STXBP3: variants seen among roughly 807,000 people sequenced by gnomAD.
The protein encoded by STXBP3 is syntaxin binding protein 3.
In STXBP3, 41 loss-of-function variants were observed where a neutral mutation model predicts 85.7. The ratio of observed to expected loss-of-function variants is 0.48; its 90% CI spans 0.37 to 0.62. The LOEUF (loss-of-function observed/expected upper bound fraction) is 0.62, where lower values mean the gene tolerates loss of function less well. Ranked by LOEUF, STXBP3 falls within the 20% of genes least tolerant of loss-of-function variation. The probability of loss-of-function intolerance (pLI) is 0.00; values close to 1 mark genes in which losing one functional copy is unlikely to be tolerated. For synonymous variants in STXBP3, 229 were observed against 231.7 expected, an observed-to-expected ratio of 0.99 and a Z score of 0.10; for missense variants, 563 against 703.1, an observed-to-expected ratio of 0.80 and a Z score of 2.25.
chr1:108,758,551 G>T lies in STXBP3; in HGVS notation c.300G>T (p.Glu100Asp). The T allele has an allele frequency of 6.5e-7, 1 of 1,546,670 alleles. No individual in the cohort carries two copies. Among genetic ancestry groups the T allele is most frequent in the South Asian group, 1.3e-5 (1 of 78,672 alleles). Residue 100 changes from glutamate to aspartate, a missense_variant, in exon 5 of 19, where the codon GAG (glutamate) becomes GAT (aspartate). Physicochemically the swap from Glu to Asp is conservative, Grantham distance 45. Coordinates refer to ENST00000370008, the MANE Select transcript of STXBP3 (RefSeq NM_007269.4). The stretch of plus-strand genomic sequence containing the variant: ...TACATGATTTTGCAAGTAAATCGGA[G>T]AACAAGTATAAAGCAGCATATATTT... ...CFLHDFASKS[E>D]NKYKAAYIYF...
At chr1:108,775,800 A>T (rs1052415904) in intron 7 of STXBP3, among the ~76,000 whole-genome samples, 3 of 152,140 alleles carry the variant, frequency 2.0e-5, no homozygotes, top group African/African-American at 7.2e-5. Flanking sequence ...AGAATGACTC[A>T]TATGTCCATC....
In STXBP3 at chr1:108,807,535, G is replaced by A; in HGVS notation, c.1670G>A (p.Cys557Tyr). Residue 557 changes from cysteine to tyrosine, a missense_variant, in exon 18 of 19, where the codon TGT becomes TAT. This residue lies in a region of STXBP3 where 494 missense variants were observed against 592.8 expected (regional missense o/e 0.83). Coordinates refer to ENST00000370008, the MANE Select transcript of STXBP3 (RefSeq NM_007269.4). ...AYEVSQAHKSCEVIIGSTHVL... is the reference protein window; with the variant it reads ...AYEVSQAHKSYEVIIGSTHVL... ...GAAGTTTCTCAGGCACATAAATCCT[G>A]TGAAGTTATTATTGGTAAGACTTTC... is the stretch of plus-strand genomic sequence containing the variant. 1 of 1,594,454 alleles carries A rather than the reference G, an allele frequency of 6.3e-7. No individual in the cohort carries two copies. Among genetic ancestry groups the A allele is most frequent in the Non-Finnish European group, 8.5e-7 (1 of 1,173,086 alleles).
At chr1:108,757,819 T>A (rs12742894) in intron 4 of STXBP3, among the ~76,000 whole-genome samples, 2,814 of 152,124 alleles carry the variant, frequency 0.018, 47 homozygotes, top group Middle Eastern at 0.034. Context: ...ATAAATCTAA[T>A]TAAATTTTAG....
At chr1:108,806,422 G>A (rs138826646) in intron 17 of STXBP3, among the ~76,000 whole-genome samples, 3 of 152,228 alleles carry the variant, frequency 2.0e-5, no homozygotes, top group East Asian at 3.9e-4. Context: ...GCAATCTGGA[G>A]GAGGAATGGT....
chr1:108,757,890 A>G (rs954552734), intron 4 of STXBP3, among the ~76,000 whole-genome samples: 4 of 152,102 alleles, frequency 2.6e-5, no homozygotes, highest in African/African-American at 9.7e-5. Context: ...AAAATGATAA[A>G]TAAATGAAAA....
chr1:108,757,523 GA>G (rs780275346), intron 4 of STXBP3, among the ~76,000 whole-genome samples: 5 of 149,928 alleles, frequency 3.3e-5, no homozygotes, highest in South Asian at 2.1e-4. Context: ...TTCATGATTG[GA>G]AAAAAAAATG....
chr1:108,807,271 A>C, intron 17 of STXBP3, 130 bp from the exon 18 acceptor site: 1 of 639,698 alleles, frequency 1.6e-6, no homozygotes, highest in South Asian at 2.6e-5. Flanking sequence ...AAAAAAAAAA[A>C]AAAAAAAAAA....
intron 5 of STXBP3, among the ~76,000 whole-genome samples, 171 bp downstream of exon 5, chr1:108,758,759 C>A (rs1241962125): frequency 1.3e-5 from 2 of 152,062 alleles, no homozygotes; most frequent in Non-Finnish European, 2.9e-5. Flanking sequence ...TAGAAAGAAT[C>A]TAAAAATGTA....
chr1:108,761,553 A>G (rs1369321893), intron 6 of STXBP3, among the ~76,000 whole-genome samples: 1 of 152,192 alleles, frequency 6.6e-6, no homozygotes, highest in Non-Finnish European at 1.5e-5. Flanking sequence ...TGTCTAGAGA[A>G]TGCTCTTGAG....
chr1:108,757,847 C>A (rs1405076165), intron 4 of STXBP3, among the ~76,000 whole-genome samples: 1 of 151,708 alleles, frequency 6.6e-6, no homozygotes, highest in Admixed American at 6.6e-5. Context: ...AAATAATAGA[C>A]CATATGATGA....
intron 11 of STXBP3, among the ~76,000 whole-genome samples, chr1:108,785,563 T>TCC (rs34117326): frequency 1.3e-5 from 2 of 151,910 alleles, no homozygotes; most frequent in African/African-American, 2.4e-5. Context: ...GGAGACATTT[T>TCC]CCCCGTTGTT....
Position 108,788,503 on chromosome 1 carries a change from C to T in STXBP3, c.964-5079C>T, listed in dbSNP as rs367684837. Among the ~76,000 whole-genome samples the T allele has an allele frequency of 2.6e-4, 40 of 152,206 alleles. No individual in the cohort carries two copies. In the South Asian group the frequency reaches 5.8e-3, roughly 22 times the overall value. On this transcript the variant is annotated intron_variant, in intron 11 of 18. Coordinates refer to ENST00000370008, the MANE Select transcript of STXBP3 (RefSeq NM_007269.4). The stretch of plus-strand genomic sequence containing the variant: ...TTCTATTGCTGCTTGAAAGAATTCA[C>T]CATTGAAGCAGTTCAGGCATAGAGA...
At chr1:108,795,795 C>G (rs1663077615) in intron 13 of STXBP3, among the ~76,000 whole-genome samples, 1 of 152,156 alleles carries the variant, frequency 6.6e-6, no homozygotes, top group Non-Finnish European at 1.5e-5. Flanking sequence ...AAGTGATGTT[C>G]ATATTTTCTT....
chr1:108,804,398 CTTA>C (rs1476630967), intron 17 of STXBP3, among the ~76,000 whole-genome samples: 2 of 151,846 alleles, frequency 1.3e-5, no homozygotes, highest in African/African-American at 4.8e-5. Flanking sequence ...TTTGTTATTT[CTTA>C]TTTTGTCATA....
At position 108,771,144 on chromosome 1, in the gene STXBP3, G is replaced by T. The variant is rs77259039; in HGVS notation, c.439-1521G>T. Among the ~76,000 whole-genome samples the T allele has an allele frequency of 6.8e-3, 1,036 of 151,460 alleles. 12 individuals carry two copies. The highest frequency in any genetic ancestry group is 0.024 in the African/African-American group (991 of 41,280). On this transcript the variant is annotated intron_variant, in intron 6 of 18. Coordinates refer to ENST00000370008, the MANE Select transcript of STXBP3 (RefSeq NM_007269.4). Reference sequence around the variant, plus strand: ...GATTCCTTCATCTGTTGCACTGGTAGTAAAAAGCAGATAGTACAATCTGTG... The same window carrying T: ...GATTCCTTCATCTGTTGCACTGGTATTAAAAAGCAGATAGTACAATCTGTG...
chr1:108,782,254 A>G (rs1662729285), intron 9 of STXBP3, 168 bp from the exon 10 acceptor site: 6 of 564,616 alleles, frequency 1.1e-5, no homozygotes, highest in Non-Finnish European at 1.6e-5. Context: ...TAATGTAAGG[A>G]TAGCAGCGTG....
chr1:108,804,382 G>T (rs1663288254), intron 17 of STXBP3, among the ~76,000 whole-genome samples: 1 of 151,750 alleles, frequency 6.6e-6, no homozygotes, highest in South Asian at 2.1e-4. Context: ...AAACATGCTT[G>T]GACTTTTTGT....
intron 11 of STXBP3, 103 bp downstream of exon 11, chr1:108,782,809 T>A: frequency 2.7e-6 from 3 of 1,107,002 alleles, no homozygotes; most frequent in Non-Finnish European, 3.8e-6. Flanking sequence ...TGGAAAGTTC[T>A]AACATGGAGG....
chr1:108,747,057 G>C (rs2101098148), intron 1 of STXBP3, among the ~76,000 whole-genome samples: 1 of 124,714 alleles, frequency 8.0e-6, no homozygotes, highest in South Asian at 2.6e-4. Context: ...GCTCCGCCCC[G>C]GGTGAGCCGC....
Sources: allele counts gnomAD v4.1 joint callset (sites outside exome capture counted in the v4.1 genomes callset), GRCh38; gene constraint gnomAD v4.1.1; regional missense constraint gnomAD v4.1.1; transcripts MANE v1.5; gene names NCBI Gene and HGNC (gene_info 2026-07-23, HGNC 2026-07-21).